The following ZNF469 variants were observed in gnomAD, a reference collection of about 807,000 sequenced individuals.
The protein encoded by ZNF469 is zinc finger protein 469.
In ZNF469, 1 loss-of-function variant was observed where a neutral mutation model predicts 1.0. The ratio of observed to expected loss-of-function variants is 1.00; its 90% CI spans 0.35 to 4.73. The LOEUF is 4.73. Among genes scored for constraint, ZNF469 ranks in the 30% most tolerant of loss-of-function variants. The probability of loss-of-function intolerance (pLI) is 0.16; values close to 1 mark genes in which losing one functional copy is unlikely to be tolerated. For missense variants in ZNF469, 6,100 were observed against 5,356.3 expected (o/e 1.14, Z -4.33); for synonymous variants, 2,703 against 2,363.4 (o/e 1.14, Z -4.17).
the ZNF469 span, among the ~76,000 whole-genome samples, chr16:88,370,737 G>A: frequency 2.0e-5 from 3 of 152,332 alleles, no homozygotes; most frequent in Admixed American, 2.0e-4. Context: ...CCAGAAGTCT[G>A]AGGCCGAGCT....
the ZNF469 span, among the ~76,000 whole-genome samples, chr16:88,349,794 AGGCACAT>A: frequency 6.9e-6 from 1 of 144,176 alleles, no homozygotes; most frequent in Non-Finnish European, 1.5e-5. Context: ...CACACACACC[AGGCACAT>A]TACACACATC....
At chr16:88,367,549 A>G in the ZNF469 span, among the ~76,000 whole-genome samples, 3 of 151,984 alleles carry the variant, frequency 2.0e-5, no homozygotes, top group African/African-American at 7.2e-5. Context: ...TTTGGAAGGA[A>G]GTGCACGTCC....
At chr16:88,250,775 T>A in the ZNF469 span, among the ~76,000 whole-genome samples, 1 of 152,238 alleles carries the variant, frequency 6.6e-6, no homozygotes, top group Non-Finnish European at 1.5e-5. Context: ...AGCAAGTTTT[T>A]AAAATCTCAG....
At chr16:88,421,428 G>A (rs987861659) in intron 1 of ZNF469, among the ~76,000 whole-genome samples, 1 of 152,192 alleles carries the variant, frequency 6.6e-6, no homozygotes, top group Non-Finnish European at 1.5e-5. Flanking sequence ...GGCACCAAGG[G>A]GCTCTGCCAA....
the ZNF469 span, among the ~76,000 whole-genome samples, chr16:88,124,435 A>G: frequency 1.3e-5 from 2 of 151,500 alleles, no homozygotes; most frequent in African/African-American, 2.4e-5. Context: ...CATGTTGCCC[A>G]TGCTGGTTTT....
chr16:88,149,097 T>C, the ZNF469 span, among the ~76,000 whole-genome samples: 1 of 151,718 alleles, frequency 6.6e-6, no homozygotes, highest in African/African-American at 2.4e-5. Flanking sequence ...CCTGGTTCAT[T>C]TGTCATTGTT....
At position 88,428,543 on chromosome 16, in the gene ZNF469, C is replaced by G. The variant is rs1410186217; in HGVS notation, c.1073C>G (p.Pro358Arg). 3.9e-6 allele frequency: 6 copies of G among 1,550,156 alleles called. No individual in the cohort carries two copies. The highest frequency in any genetic ancestry group is 5.2e-6 in the Non-Finnish European group (6 of 1,146,868). The change falls in exon 3 of 3, where the codon CCT (proline) becomes CGT (arginine). Residue 358 changes from proline (P) to arginine (R), a missense_variant. By Grantham distance (103) the Pro-to-Arg change is moderately radical. Transcript: ENST00000565624. ...HSDLSGALSS[P>R]GAAHSAPRPF... ...GACCTCAGTGGTGCCCTCTCTTCCCCTGGAGCTGCTCACTCGGCCCCGAGA... is the reference window on the plus strand; with the variant it reads ...GACCTCAGTGGTGCCCTCTCTTCCCGTGGAGCTGCTCACTCGGCCCCGAGA...
upstream of ZNF469, among the ~76,000 whole-genome samples, chr16:88,378,912 C>T (rs1468445284): frequency 3.3e-5 from 5 of 152,234 alleles, no homozygotes; most frequent in African/African-American, 1.2e-4. Flanking sequence ...TCTCGAGAGC[C>T]CATCTGGGGC....
At chr16:88,145,898 G>T in the ZNF469 span, among the ~76,000 whole-genome samples, 1 of 152,266 alleles carries the variant, frequency 6.6e-6, no homozygotes, top group Non-Finnish European at 1.5e-5. Context: ...TCCTGATGGG[G>T]CCTTCAGACC....
chr16:88,421,521 C>G (rs1403192029), intron 1 of ZNF469, among the ~76,000 whole-genome samples: 1 of 152,204 alleles, frequency 6.6e-6, no homozygotes, highest in East Asian at 1.9e-4. Context: ...GGACGCGTCC[C>G]CGAGCCCCTG....
chr16:88,377,427 T>G, the ZNF469 span, among the ~76,000 whole-genome samples: 1 of 152,026 alleles, frequency 6.6e-6, no homozygotes, highest in South Asian at 2.1e-4. Context: ...GCAGTGGGGG[T>G]GTGTGCCTGT....
At chr16:88,274,415 G>A in the ZNF469 span, among the ~76,000 whole-genome samples, 220 of 152,358 alleles carry the variant, frequency 1.4e-3, 1 homozygote, top group African/African-American at 5.1e-3. Context: ...TATGTTATGT[G>A]TATTTTACCA....
chr16:88,120,051 T>A, the ZNF469 span, among the ~76,000 whole-genome samples: 1 of 152,080 alleles, frequency 6.6e-6, no homozygotes, highest in African/African-American at 2.4e-5. Flanking sequence ...GGCCCCCAAG[T>A]CCGCCTGGGA....
the ZNF469 span, among the ~76,000 whole-genome samples, chr16:88,354,122 G>A: frequency 1.1e-4 from 17 of 152,354 alleles, no homozygotes; most frequent in African/African-American, 3.8e-4. Context: ...GTGAATGCCT[G>A]TGGACTCAGT....
chr16:88,172,648 A>G, the ZNF469 span, among the ~76,000 whole-genome samples: 1 of 152,272 alleles, frequency 6.6e-6, no homozygotes, highest in African/African-American at 2.4e-5. Flanking sequence ...GTGGGAATCA[A>G]TCATAAGTGA....
the ZNF469 span, among the ~76,000 whole-genome samples, chr16:88,153,172 T>C: frequency 1.3e-5 from 2 of 152,168 alleles, no homozygotes; most frequent in African/African-American, 2.4e-5. Context: ...TCCAGCCCAA[T>C]CTCGTTCTCT....
chr16:88,353,525 C>T, the ZNF469 span, among the ~76,000 whole-genome samples: 16 of 152,350 alleles, frequency 1.1e-4, no homozygotes, highest in Non-Finnish European at 2.2e-4. Context: ...CAACGCCCTC[C>T]GCCAGCCTCT....
the ZNF469 span, among the ~76,000 whole-genome samples, chr16:88,250,781 C>T: frequency 2.6e-5 from 4 of 152,168 alleles, no homozygotes. Flanking sequence ...TTTTTAAAAT[C>T]TCAGTCATGG....
the ZNF469 span, among the ~76,000 whole-genome samples, chr16:88,342,654 G>A: frequency 6.6e-6 from 1 of 152,224 alleles, no homozygotes; most frequent in Non-Finnish European, 1.5e-5. Flanking sequence ...CCTTTTCCCT[G>A]TAACTTGGGG....
Sources: allele counts gnomAD v4.1 joint callset (sites outside exome capture counted in the v4.1 genomes callset), GRCh38; gene constraint gnomAD v4.1.1; transcripts MANE v1.5; gene names NCBI Gene and HGNC (gene_info 2026-07-23, HGNC 2026-07-21).